The following CSMD1 variants were observed in gnomAD, a reference collection of about 807,000 sequenced individuals.
CSMD1 encodes the protein CUB and Sushi multiple domains 1, also known as CUB and sushi domain-containing protein 1.
A neutral mutation model predicts 417.5 loss-of-function variants in CSMD1; 213 were observed. That is an observed-to-expected ratio of 0.51 (90% confidence interval 0.46 to 0.57). The LOEUF (loss-of-function observed/expected upper bound fraction) is 0.57, where lower values mean the gene tolerates loss of function less well. Ranked by LOEUF, CSMD1 falls within the 20% of genes least tolerant of loss-of-function variation. The probability of loss-of-function intolerance (pLI) is 0.00; values close to 1 mark genes in which losing one functional copy is unlikely to be tolerated. For missense variants in CSMD1, 6,923 were observed against 4,529.7 expected, an observed-to-expected ratio of 1.53 and a Z score of -15.17; for synonymous variants, 2,862 against 1,736.8, an observed-to-expected ratio of 1.65 and a Z score of -16.11.
chr8:3,261,465 A>G, intron 26 of CSMD1, among the ~76,000 whole-genome samples: 1 of 152,202 alleles, frequency 6.6e-6, no homozygotes. Flanking sequence ...CCACTGAAGA[A>G]CTTACTCGTG....
chr8:4,334,691 C>G (rs1197772329), intron 3 of CSMD1, among the ~76,000 whole-genome samples: 4 of 152,096 alleles, frequency 2.6e-5, no homozygotes, highest in Non-Finnish European at 5.9e-5. Flanking sequence ...CCTATACTGC[C>G]CAATTCTTAC....
At chr8:4,983,149 C>T (rs1444160189) in intron 1 of CSMD1, among the ~76,000 whole-genome samples, 2 of 152,132 alleles carry the variant, frequency 1.3e-5, no homozygotes, top group Admixed American at 1.3e-4. Flanking sequence ...ATAAGCATGG[C>T]AAAATAATAT....
chr8:3,343,507 C>A (rs1206009649), intron 22 of CSMD1, 57 bp from the exon 23 acceptor site: 3 of 1,474,648 alleles, frequency 2.0e-6, no homozygotes, highest in Non-Finnish European at 2.8e-6. Flanking sequence ...CTTATGTTAG[C>A]AATGGTAATA....
chr8:2,991,650 CT>C (rs969253700), intron 54 of CSMD1, among the ~76,000 whole-genome samples: 70 of 152,030 alleles, frequency 4.6e-4, no homozygotes, highest in Non-Finnish European at 1.8e-4. Flanking sequence ...GAAACATACC[CT>C]TTTTAAAAAA....
chr8:4,076,308 C>A (rs1045151245), intron 3 of CSMD1, among the ~76,000 whole-genome samples: 1 of 152,204 alleles, frequency 6.6e-6, no homozygotes, highest in African/African-American at 2.4e-5. Flanking sequence ...TTTTAAGTTT[C>A]CTGAGGCCTC....
At chr8:3,900,428 T>C (rs898608416) in intron 5 of CSMD1, among the ~76,000 whole-genome samples, 6 of 147,418 alleles carry the variant, frequency 4.1e-5, no homozygotes, top group Non-Finnish European at 7.5e-5. Flanking sequence ...GGTGACAGTG[T>C]AGCTGGGTGA....
chr8:3,950,894 T>C (rs1174300995), intron 5 of CSMD1, among the ~76,000 whole-genome samples: 1 of 152,200 alleles, frequency 6.6e-6, no homozygotes, highest in African/African-American at 2.4e-5. Flanking sequence ...CAAAGAATAC[T>C]TAATAAAAAA....
chr8:2,965,917 G>T lies in CSMD1; in HGVS notation c.9138C>A (p.Gly3046=). 6.2e-7 allele frequency: 1 copy of T among 1,609,772 alleles called. No individual in the cohort carries two copies. The highest frequency in any genetic ancestry group is 1.7e-4 in the Middle Eastern group (1 of 6,054). The change falls in exon 59 of 70, where the codon GGC becomes GGA. Residue 3046 remains glycine (G), a synonymous_variant. Coordinates refer to ENST00000635120, the MANE Select transcript of CSMD1 (RefSeq NM_033225.6). ...AGGTGAAGTCGGTCCCAAACTGGAT[G>T]CCATTTGCTAGTGTGCCTGGATCCC... ...SCGDPGTLAN[G]IQFGTDFTFN... is the part of the protein sequence containing the mutation.
chr8:4,195,978 G>A (rs1173314294), intron 3 of CSMD1, among the ~76,000 whole-genome samples: 6 of 152,180 alleles, frequency 3.9e-5, no homozygotes, highest in Admixed American at 6.5e-5. Context: ...TTGGGGCACC[G>A]AGGTGAGCGG....
At chr8:4,271,584 A>T (rs1041708626) in intron 3 of CSMD1, among the ~76,000 whole-genome samples, 4 of 152,086 alleles carry the variant, frequency 2.6e-5, no homozygotes, top group Non-Finnish European at 4.4e-5. Flanking sequence ...AAAAAAAGGC[A>T]AAGAAAATCT....
At chr8:4,187,564 A>T (rs1367541848) in intron 3 of CSMD1, among the ~76,000 whole-genome samples, 1 of 151,174 alleles carries the variant, frequency 6.6e-6, no homozygotes, top group Non-Finnish European at 1.5e-5. Context: ...GAATCGCCTG[A>T]ACCCAGGAGG....
chr8:4,444,503 G>C (rs1159701176), intron 2 of CSMD1, among the ~76,000 whole-genome samples: 2 of 152,086 alleles, frequency 1.3e-5, no homozygotes, highest in Non-Finnish European at 2.9e-5. Flanking sequence ...GATATATTTT[G>C]ACAGACAAGT....
At position 4,044,037 on chromosome 8, in the gene CSMD1, G is replaced by A. The variant is rs1007853964; in HGVS notation, c.416-11938C>T. Among the ~76,000 whole-genome samples the A allele has an allele frequency of 1.9e-4, 15 of 80,166 alleles. 1 individual carries two copies. Among genetic ancestry groups the A allele is most frequent in the African/African-American group, 6.7e-4 (13 of 19,534 alleles). The allele number at this position is 80,166 out of a possible 152,430, so 52.6% of individuals were successfully genotyped here. A position where few individuals can be genotyped will look rare whatever the true frequency, so the allele number is the denominator to read the frequency against. On this transcript the variant is annotated intron_variant, in intron 3 of 69. Coordinates refer to ENST00000635120, the MANE Select transcript of CSMD1 (RefSeq NM_033225.6). Reference sequence around the variant, plus strand: ...TGGCAAAGCTTAATTAAAAAAAAACGCTGAATAATTAGGAGACTGGGGTTC... The same window carrying A: ...TGGCAAAGCTTAATTAAAAAAAAACACTGAATAATTAGGAGACTGGGGTTC...
chr8:3,949,574 G>C lies in CSMD1; in HGVS notation c.818+48329C>G, dbSNP rs527862690. Among the ~76,000 whole-genome samples the C allele has an allele frequency of 1.4e-4, 22 of 152,260 alleles. 1 individual carries two copies. Among genetic ancestry groups the C allele is most frequent in the Middle Eastern group, 6.8e-3 (2 of 294 alleles). On this transcript the variant is annotated intron_variant, in intron 5 of 69. Transcript: ENST00000635120. ...TTTGGGGTTATTTTGGGGTTCTTTT[G>C]TGTGGGGGAAACTAATTGAAGAACA...
intron 8 of CSMD1, among the ~76,000 whole-genome samples, chr8:3,587,392 G>A (rs1800650444): frequency 6.6e-6 from 1 of 152,172 alleles, no homozygotes; most frequent in East Asian, 1.9e-4. Flanking sequence ...TTTTTAGTTT[G>A]AGAAACCACG....
intron 2 of CSMD1, among the ~76,000 whole-genome samples, chr8:4,548,089 T>C (rs1380490672): frequency 6.6e-6 from 1 of 152,142 alleles, no homozygotes; most frequent in Non-Finnish European, 1.5e-5. Context: ...AAGAAGGAAT[T>C]ACAGCTTGTT....
chr8:3,004,704 C>T (rs774531846), intron 52 of CSMD1, among the ~76,000 whole-genome samples: 4 of 152,192 alleles, frequency 2.6e-5, no homozygotes, highest in Non-Finnish European at 5.9e-5. Flanking sequence ...TTTCTCCATG[C>T]TGAGAACAGG....
intron 7 of CSMD1, among the ~76,000 whole-genome samples, chr8:3,701,397 C>G (rs943070772): frequency 2.0e-5 from 3 of 152,110 alleles, no homozygotes; most frequent in Non-Finnish European, 2.9e-5. Flanking sequence ...AGAGAGAGAA[C>G]AGTTGCGAAA....
At chr8:3,963,671 A>G (rs560636843) in intron 5 of CSMD1, among the ~76,000 whole-genome samples, 6 of 152,334 alleles carry the variant, frequency 3.9e-5, no homozygotes, top group East Asian at 3.9e-4. Context: ...ATGATTTTGT[A>G]TGTGTGTAAG....
Sources: allele counts gnomAD v4.1 joint callset (sites outside exome capture counted in the v4.1 genomes callset), GRCh38; gene constraint gnomAD v4.1.1; transcripts MANE v1.5; gene names NCBI Gene and HGNC (gene_info 2026-07-23, HGNC 2026-07-21).